Variants in R3HDM1 observed in about 807,000 individuals in gnomAD.
R3HDM1 encodes the protein R3H domain-containing protein 1.
In R3HDM1, 46 loss-of-function variants were observed where a neutral mutation model predicts 141.1. That is an observed-to-expected ratio of 0.33 (90% CI 0.26 to 0.42). The LOEUF (loss-of-function observed/expected upper bound fraction) is 0.42, where lower values mean the gene tolerates loss of function less well. Among genes scored for constraint, R3HDM1 ranks in the 10% least tolerant of loss-of-function variants. The probability of loss-of-function intolerance (pLI) is 1.00; values close to 1 mark genes in which losing one functional copy is unlikely to be tolerated. For missense variants in R3HDM1, 1,184 were observed against 1,368.3 expected (o/e 0.87, Z 2.12); for synonymous variants, 435 against 472.9 (o/e 0.92, Z 1.04).
intron 1 of R3HDM1, among the ~76,000 whole-genome samples, chr2:135,592,452 C>G (rs1428073534): frequency 6.6e-6 from 1 of 152,152 alleles, no homozygotes; most frequent in Non-Finnish European, 1.5e-5. Context: ...TCCTTCTGAC[C>G]ACTTCCCTTT....
At chr2:135,621,411 G>T (rs2061500031) in intron 5 of R3HDM1, 83 bp from the exon 6 acceptor site, 2 of 827,068 alleles carry the variant, frequency 2.4e-6, no homozygotes, top group Non-Finnish European at 3.6e-6. Flanking sequence ...GTACAATTCT[G>T]TGTTACTCAA....
intron 4 of R3HDM1, among the ~76,000 whole-genome samples, 199 bp from the exon 5 acceptor site, chr2:135,616,469 A>G (rs1228520588): frequency 2.0e-5 from 3 of 152,096 alleles, no homozygotes; most frequent in African/African-American, 4.8e-5. Context: ...TATTGCTATA[A>G]TTTTCAAAAC....
rs150339581 is a variant in R3HDM1 at position 135,715,289 on chromosome 2, G to A, written c.2737-261G>A. On this transcript the variant is annotated intron_variant, in intron 23 of 26. Coordinates refer to ENST00000683871, the MANE Select transcript of R3HDM1 (RefSeq NM_001378107.1). ...CAGGAGGCTGAGGCGGGAGAATGGC[G>A]TGAACCTGGGAGGCAGAGCTTGCAG... Among the ~76,000 whole-genome samples, 615 of 152,160 alleles carry A rather than the reference G, an allele frequency of 4.0e-3. 4 individuals carry two copies. The highest frequency in any genetic ancestry group is 0.014 in the African/African-American group (585 of 41,510).
At chr2:135,626,677 C>G (rs1420044467) in intron 7 of R3HDM1, among the ~76,000 whole-genome samples, 1 of 152,168 alleles carries the variant, frequency 6.6e-6, no homozygotes, top group African/African-American at 2.4e-5. Flanking sequence ...TCCACATAGA[C>G]ATTTTTTAAC....
chr2:135,706,482 G>A (rs2074942739), intron 21 of R3HDM1, among the ~76,000 whole-genome samples: 1 of 152,016 alleles, frequency 6.6e-6, no homozygotes, highest in African/African-American at 2.4e-5. Flanking sequence ...AGATAAACAA[G>A]TGAACAAAGG....
At chr2:135,579,811 G>A (rs1213701532) in intron 1 of R3HDM1, among the ~76,000 whole-genome samples, 2 of 152,158 alleles carry the variant, frequency 1.3e-5, no homozygotes, top group Admixed American at 6.5e-5. Context: ...TTAGTTAATA[G>A]TGTTACATCA....
chr2:135,673,126 A>T (rs2068651057), intron 19 of R3HDM1, among the ~76,000 whole-genome samples: 1 of 152,152 alleles, frequency 6.6e-6, no homozygotes, highest in Non-Finnish European at 1.5e-5. Flanking sequence ...AAAAAGAATA[A>T]GATACCATTG....
intron 21 of R3HDM1, among the ~76,000 whole-genome samples, chr2:135,692,255 T>C (rs2072524096): frequency 6.6e-6 from 1 of 152,004 alleles, no homozygotes; most frequent in South Asian, 2.1e-4. Context: ...TTTGTTTGTG[T>C]CATGTGGAGT....
intron 16 of R3HDM1, among the ~76,000 whole-genome samples, chr2:135,647,996 C>G (rs1254744894): frequency 6.6e-6 from 1 of 152,174 alleles, no homozygotes; most frequent in Non-Finnish European, 1.5e-5. Context: ...AATCCCCCAG[C>G]TGACTAAAAC....
intron 11 of R3HDM1, among the ~76,000 whole-genome samples, chr2:135,637,088 T>C (rs2063337004): frequency 6.6e-6 from 1 of 152,228 alleles, no homozygotes; most frequent in African/African-American, 2.4e-5. Flanking sequence ...TCCAAGCCTA[T>C]ACTAAATGTC....
intron 1 of R3HDM1, among the ~76,000 whole-genome samples, chr2:135,543,809 G>T (rs1388885143): frequency 6.6e-6 from 1 of 152,210 alleles, no homozygotes; most frequent in African/African-American, 2.4e-5. Context: ...TGAAATATAA[G>T]AAGACAATTT....
intron 23 of R3HDM1, among the ~76,000 whole-genome samples, chr2:135,714,013 C>G (rs2075926350): frequency 6.6e-6 from 1 of 151,912 alleles, no homozygotes; most frequent in South Asian, 2.1e-4. Flanking sequence ...TAAAAGATCA[C>G]CACCAAGAAA....
intron 1 of R3HDM1, among the ~76,000 whole-genome samples, chr2:135,584,710 A>G (rs926910756): frequency 5.3e-5 from 8 of 152,206 alleles, no homozygotes; most frequent in African/African-American, 1.9e-4. Context: ...CTTTTCACTA[A>G]TTCACAATTA....
chr2:135,655,505 T>C (rs1220762390), intron 18 of R3HDM1, among the ~76,000 whole-genome samples: 2 of 151,734 alleles, frequency 1.3e-5, no homozygotes, highest in Non-Finnish European at 2.9e-5. Context: ...GTTGTTGTTG[T>C]TGTTGTTGTT....
chr2:135,652,120 A>C (rs928688854), intron 18 of R3HDM1, 88 bp downstream of exon 18: 44 of 1,456,292 alleles, frequency 3.0e-5, no homozygotes, highest in South Asian at 9.1e-5. Flanking sequence ...TTAAATTCTC[A>C]TGAAGAGAAT....
intron 1 of R3HDM1, among the ~76,000 whole-genome samples, chr2:135,551,329 A>G (rs564911307): frequency 6.6e-6 from 1 of 152,356 alleles, no homozygotes; most frequent in South Asian, 2.1e-4. Context: ...ACTGATAACT[A>G]AAATCAAAGA....
At chr2:135,575,373 G>C (rs1348703166) in intron 1 of R3HDM1, among the ~76,000 whole-genome samples, 2 of 152,070 alleles carry the variant, frequency 1.3e-5, no homozygotes, top group Non-Finnish European at 2.9e-5. Context: ...GTAGAGACAG[G>C]GTTTCACCAT....
chr2:135,616,499 T>A (rs1288106104), intron 4 of R3HDM1, among the ~76,000 whole-genome samples, 169 bp from the exon 5 acceptor site: 1 of 152,240 alleles, frequency 6.6e-6, no homozygotes. Context: ...TTGTGTTCCT[T>A]CTTAACAAAG....
intron 3 of R3HDM1, among the ~76,000 whole-genome samples, chr2:135,614,280 C>T (rs557632537): frequency 6.6e-6 from 1 of 152,146 alleles, no homozygotes; most frequent in African/African-American, 2.4e-5. Context: ...GAACAATATA[C>T]AGCACCCCCA....
Sources: allele counts gnomAD v4.1 joint callset (sites outside exome capture counted in the v4.1 genomes callset), GRCh38; gene constraint gnomAD v4.1.1; transcripts MANE v1.5; gene names NCBI Gene and HGNC (gene_info 2026-07-23, HGNC 2026-07-21).